Variants in PREX1 observed in about 807,000 individuals in gnomAD.
PREX1 encodes phosphatidylinositol-3,4,5-trisphosphate dependent Rac exchange factor 1.
PREX1 carries 41 observed loss-of-function variants against 198.3 expected under a neutral mutation model. That is an observed-to-expected ratio of 0.21 (90% CI 0.16 to 0.27). The LOEUF (loss-of-function observed/expected upper bound fraction) is 0.27. Among genes scored for constraint, PREX1 ranks in the 10% least tolerant of loss-of-function variants. The pLI, the probability that PREX1 is intolerant of heterozygous loss-of-function variation, is 1.00. For synonymous variants in PREX1, 843 were observed against 887.2 expected (o/e 0.95, Z 0.89); for missense variants, 1,620 against 2,200.7 (o/e 0.74, Z 5.28).
chr20:48,681,181 G>C, intron 11 of PREX1, 54 bp downstream of exon 11: 4 of 1,444,178 alleles, frequency 2.8e-6, no homozygotes, highest in Non-Finnish European at 3.9e-6. Flanking sequence ...TGGCACAGTT[G>C]GGGTCTGACC....
At chr20:48,693,291 C>T (rs2089829111) in intron 7 of PREX1, among the ~76,000 whole-genome samples, 5 of 152,194 alleles carry the variant, frequency 3.3e-5, no homozygotes, top group Admixed American at 3.3e-4. Context: ...CTCCTATAGT[C>T]TAAATGTTGG....
At chr20:48,751,997 G>T (rs761781853) in intron 1 of PREX1, among the ~76,000 whole-genome samples, 1 of 152,170 alleles carries the variant, frequency 6.6e-6, no homozygotes, top group Non-Finnish European at 1.5e-5. Context: ...GACTGGAAAC[G>T]GGATGAGGAG....
At chr20:48,737,692 G>A (rs993919220) in intron 3 of PREX1, among the ~76,000 whole-genome samples, 9 of 152,162 alleles carry the variant, frequency 5.9e-5, no homozygotes, top group Admixed American at 5.9e-4. Context: ...TGGGCCGCAA[G>A]AGCCCGCAAG....
At chr20:48,649,064 A>T (rs2089471755) in intron 25 of PREX1, among the ~76,000 whole-genome samples, 1 of 152,106 alleles carries the variant, frequency 6.6e-6, no homozygotes. Context: ...GTCAGGGATG[A>T]TTTTCCCTGC....
intron 18 of PREX1, among the ~76,000 whole-genome samples, chr20:48,656,172 T>C (rs893068628): frequency 4.6e-5 from 7 of 152,020 alleles, no homozygotes; most frequent in Non-Finnish European, 1.5e-5. Context: ...AGAAGATCTG[T>C]GTTAAATAAA....
chr20:48,738,068 G>C (rs2090064771), intron 3 of PREX1, among the ~76,000 whole-genome samples: 1 of 152,218 alleles, frequency 6.6e-6, no homozygotes, highest in South Asian at 2.1e-4. Context: ...CCAAATCTTA[G>C]TGAGGTGACA....
chr20:48,649,990 A>G lies in PREX1; in HGVS notation c.3028+6T>C. The G allele has an allele frequency of 1.2e-6, 2 of 1,613,402 alleles. No homozygotes were observed. The highest frequency in any genetic ancestry group is 1.7e-6 in the Non-Finnish European group (2 of 1,179,440). On this transcript the variant is annotated splice_donor_region_variant and intron_variant, in intron 24 of 39. Transcript: ENST00000371941. ...AACACAGTTTCTAATAGACACACAC[A>G]GGTACCTTGCTCCGGGTCAAGGCCG...
chr20:48,687,011 G>A (rs1220481259), intron 10 of PREX1, among the ~76,000 whole-genome samples: 2 of 152,146 alleles, frequency 1.3e-5, no homozygotes, highest in African/African-American at 2.4e-5. Flanking sequence ...GCTTCCGGAG[G>A]AGTGCCACCT....
chr20:48,817,991 G>C (rs1284156174), intron 1 of PREX1, among the ~76,000 whole-genome samples: 1 of 151,888 alleles, frequency 6.6e-6, no homozygotes, highest in Admixed American at 6.6e-5. Context: ...CGCAAGCAAA[G>C]GAAGAAATGG....
At chr20:48,665,214 C>T (rs966763747) in intron 15 of PREX1, among the ~76,000 whole-genome samples, 25 of 145,552 alleles carry the variant, frequency 1.7e-4, no homozygotes, top group African/African-American at 5.9e-4. Context: ...CTGCCCCAGA[C>T]GGCCTGAATT....
At chr20:48,833,097 G>A in the PREX1 span, among the ~76,000 whole-genome samples, 2 of 152,136 alleles carry the variant, frequency 1.3e-5, no homozygotes, top group African/African-American at 4.8e-5. Context: ...TGTAAAATGG[G>A]GTCAGTAAGA....
chr20:48,630,438 A>C (rs1026547859), intron 36 of PREX1, among the ~76,000 whole-genome samples: 1 of 152,274 alleles, frequency 6.6e-6, no homozygotes, highest in Non-Finnish European at 1.5e-5. Context: ...CATACAGGTT[A>C]CATCTGTCAT....
the PREX1 span, among the ~76,000 whole-genome samples, chr20:48,841,675 C>G: frequency 2.0e-5 from 3 of 152,146 alleles, no homozygotes; most frequent in African/African-American, 7.2e-5. Flanking sequence ...AATGAACAAC[C>G]CAGGCAGAGA....
At position 48,650,087 on chromosome 20, in the gene PREX1, C is replaced by T; in HGVS notation, c.2937G>A (p.Val979=). The change falls in exon 24 of 40, where the codon GTG becomes GTA. Residue 979 remains valine (V), a synonymous_variant. Transcript: ENST00000371941. The part of the protein sequence containing the change: ...PTNCHINLME[V]SYPKTTPSVG... Reference sequence around the variant, plus strand: ...CTGAGGGGGTGGTCTTGGGGTAGGACACTTCCATGAGGTTGATGTGGCAAT... The same window carrying T: ...CTGAGGGGGTGGTCTTGGGGTAGGATACTTCCATGAGGTTGATGTGGCAAT... 6.2e-7 allele frequency: 1 copy of T among 1,614,200 alleles called. No homozygotes were observed. The highest frequency in any genetic ancestry group is 8.5e-7 in the Non-Finnish European group (1 of 1,180,024).
chr20:48,830,022 C>T (rs1162883667), upstream of PREX1, among the ~76,000 whole-genome samples: 1 of 152,054 alleles, frequency 6.6e-6, no homozygotes, highest in Non-Finnish European at 1.5e-5. Context: ...TAGCCGCGTC[C>T]CCTACCCACT....
chr20:48,760,740 C>A (rs1260000721), intron 1 of PREX1, among the ~76,000 whole-genome samples: 1 of 152,080 alleles, frequency 6.6e-6, no homozygotes, highest in Non-Finnish European at 1.5e-5. Context: ...CAAGTGTTAA[C>A]CAGGGCCTGC....
intron 33 of PREX1, among the ~76,000 whole-genome samples, chr20:48,634,095 G>C (rs866839732): frequency 4.7e-5 from 6 of 127,988 alleles, no homozygotes; most frequent in Non-Finnish European, 1.1e-4. Context: ...CGGATGGATG[G>C]ATGGATGCAT....
At chr20:48,670,411 A>G (rs73326956) in intron 14 of PREX1, among the ~76,000 whole-genome samples, 2,915 of 152,022 alleles carry the variant, frequency 0.019, 101 homozygotes, top group African/African-American at 0.068. Flanking sequence ...CCAGCATGGG[A>G]GCATGCAGAT....
the PREX1 span, among the ~76,000 whole-genome samples, chr20:48,842,953 G>A: frequency 1.3e-5 from 2 of 152,030 alleles, no homozygotes; most frequent in Non-Finnish European, 2.9e-5. Context: ...CTGTATGGTC[G>A]GGGCTAGCAC....
Sources: gnomAD v4.1 joint callset for allele counts (sites outside exome capture counted in the v4.1 genomes callset) on GRCh38, gnomAD v4.1.1 for gene constraint, MANE v1.5 for transcripts, NCBI Gene and HGNC (gene_info 2026-07-23, HGNC 2026-07-21) for gene names.